Variants in NREP observed in about 807,000 individuals in gnomAD.
NREP encodes neuronal regeneration-related protein.
Under a neutral mutation model 8.6 loss-of-function variants are expected in NREP, and 5 were observed. The observed-to-expected ratio is 0.58, with a 90% CI of 0.30 to 1.22. NREP has a LOEUF of 1.22. Ranked by LOEUF, NREP falls within the 50% of genes most tolerant of loss-of-function variation. The probability of loss-of-function intolerance (pLI) is 0.07; values close to 1 mark genes in which losing one functional copy is unlikely to be tolerated. For missense variants in NREP, 86 were observed against 82.5 expected (o/e 1.04, Z -0.17); for synonymous variants, 27 against 28.0 (o/e 0.96, Z 0.11).
At chr5:111,758,224 C>T, upstream of NREP, 1 of 985,522 alleles carries the variant, frequency 1.0e-6, no homozygotes. Flanking sequence ...CGCGTGCACA[C>T]ACACACGTGC....
intron 2 of NREP, chr5:111,738,200 T>C (rs993032822): frequency 6.6e-6 from 1 of 152,232 alleles, no homozygotes; most frequent in Admixed American, 6.5e-5. Context: ...CATTACAGCA[T>C]TGTTCTTTCT....
chr5:111,864,890 T>C (rs1003467351), intron 2 of NREP, among the ~76,000 whole-genome samples: 3 of 152,162 alleles, frequency 2.0e-5, no homozygotes, highest in African/African-American at 7.2e-5. Flanking sequence ...TTAGTGTATA[T>C]AAATGTTACA....
At chr5:111,762,183 A>C (rs577907488), upstream of NREP, among the ~76,000 whole-genome samples, 3 of 152,250 alleles carry the variant, frequency 2.0e-5, no homozygotes, top group African/African-American at 7.2e-5. Flanking sequence ...AGCACAGGAG[A>C]TTAGCTGGAG....
intron 2 of NREP, among the ~76,000 whole-genome samples, chr5:111,914,466 C>A (rs1321031912): frequency 6.6e-6 from 1 of 152,128 alleles, no homozygotes; most frequent in Admixed American, 6.6e-5. Context: ...CTTCCTCCTT[C>A]CTTTGTTCTC....
upstream of NREP, among the ~76,000 whole-genome samples, chr5:111,762,203 T>C (rs966262462): frequency 6.6e-6 from 1 of 152,166 alleles, no homozygotes; most frequent in South Asian, 2.1e-4. Context: ...GAAAAGAGTC[T>C]AAGATGATTC....
intron 2 of NREP, among the ~76,000 whole-genome samples, chr5:111,947,135 A>G (rs373982953): frequency 1.4e-4 from 22 of 152,198 alleles, no homozygotes; most frequent in South Asian, 1.0e-3. Flanking sequence ...GAAATAATGT[A>G]TAACTATAGA....
chr5:111,889,623 C>T (rs1027770455), intron 2 of NREP, among the ~76,000 whole-genome samples: 9 of 152,186 alleles, frequency 5.9e-5, no homozygotes, highest in Non-Finnish European at 1.0e-4. Context: ...GAGATGATTT[C>T]CTTCTGCCTA....
intron 2 of NREP, among the ~76,000 whole-genome samples, chr5:111,971,777 A>G (rs1756826110): frequency 6.6e-6 from 1 of 152,210 alleles, no homozygotes; most frequent in South Asian, 2.1e-4. Context: ...CTACTGGAAG[A>G]AAATGATGCG....
At chr5:111,884,879 G>T (rs562197359) in intron 2 of NREP, among the ~76,000 whole-genome samples, 10 of 152,146 alleles carry the variant, frequency 6.6e-5, no homozygotes, top group Admixed American at 2.0e-4. Context: ...TACTGAATGG[G>T]CAAAAAGTGG....
At chr5:111,787,191 C>T (rs577596490) in intron 2 of NREP, among the ~76,000 whole-genome samples, 1 of 152,132 alleles carries the variant, frequency 6.6e-6, no homozygotes. Flanking sequence ...GCTCAAGGTC[C>T]CCACAACCAC....
intron 2 of NREP, among the ~76,000 whole-genome samples, chr5:111,907,807 C>G (rs1207304453): frequency 6.6e-6 from 1 of 151,988 alleles, no homozygotes; most frequent in East Asian, 1.9e-4. Flanking sequence ...TCTTTTAAGT[C>G]TGTCCCATGG....
intron 2 of NREP, among the ~76,000 whole-genome samples, chr5:111,786,096 G>C (rs1751603072): frequency 6.6e-6 from 1 of 152,120 alleles, no homozygotes; most frequent in Non-Finnish European, 1.5e-5. Flanking sequence ...TGCTTCCAAA[G>C]ACAGGGAACT....
intron 2 of NREP, among the ~76,000 whole-genome samples, chr5:111,794,400 A>G (rs1368720352): frequency 6.6e-6 from 1 of 152,256 alleles, no homozygotes; most frequent in African/African-American, 2.4e-5. Context: ...TTTACTCATA[A>G]TTGCCAAAAC....
chr5:111,757,383 G>A, upstream of NREP: 3 of 955,428 alleles, frequency 3.1e-6, no homozygotes, highest in Non-Finnish European at 3.7e-6. Context: ...CCTGCCTCGC[G>A]CTCTCTCTCC....
chr5:111,961,213 C>A (rs1756471754), intron 2 of NREP, among the ~76,000 whole-genome samples: 1 of 152,214 alleles, frequency 6.6e-6, no homozygotes, highest in African/African-American at 2.4e-5. Context: ...TGAGCTGCAG[C>A]ACTTTGCTTC....
At chr5:111,757,498 G>GGCGCGGAGCCAGC (rs1750801756), upstream of NREP, 3 of 985,004 alleles carry the variant, frequency 3.0e-6, no homozygotes, top group Middle Eastern at 1.0e-3. Flanking sequence ...TGATGGAGCT[G>GGCGCGGAGCCAGC]GCGCGGAGCC....
rs182402093 is a variant in NREP, at chr5:111,886,764, C to T, written c.135+88510G>A. Among the ~76,000 whole-genome samples, 179 of 150,360 alleles carry T rather than the reference C, an allele frequency of 1.2e-3. 1 individual carries two copies. Among genetic ancestry groups the T allele is most frequent in the Middle Eastern group, 6.8e-3 (2 of 292 alleles). On this transcript the variant is annotated intron_variant, in intron 2 of 3. Transcript: ENST00000395634. ...GCATATTCTCACTCATAGGTGGGAACTGAACAATGAGACCACATGGACACA... is the reference window on the plus strand; with the variant it reads ...GCATATTCTCACTCATAGGTGGGAATTGAACAATGAGACCACATGGACACA...
At chr5:111,757,804 G>C, upstream of NREP, 17 of 970,544 alleles carry the variant, frequency 1.8e-5, no homozygotes, top group Non-Finnish European at 2.0e-5. Flanking sequence ...CTCGACGTGC[G>C]GTTGCTTTTC....
At chr5:111,791,387 A>T (rs925530692) in intron 2 of NREP, among the ~76,000 whole-genome samples, 1 of 152,168 alleles carries the variant, frequency 6.6e-6, no homozygotes, top group African/African-American at 2.4e-5. Context: ...TTCCCCCAGT[A>T]ACCATCAATC....
Sources: allele counts gnomAD v4.1 joint callset (sites outside exome capture counted in the v4.1 genomes callset), GRCh38; gene constraint gnomAD v4.1.1; transcripts MANE v1.5; gene names NCBI Gene and HGNC (gene_info 2026-07-23, HGNC 2026-07-21).